The following CLIC5 variants were observed in gnomAD, a reference collection of about 807,000 sequenced individuals.
CLIC5 encodes the protein chloride intracellular channel protein 5.
CLIC5 carries 20 observed loss-of-function variants against 24.7 expected under a neutral mutation model. That is an observed-to-expected ratio of 0.81 (90% CI 0.57 to 1.18). The LOEUF (loss-of-function observed/expected upper bound fraction) is 1.18. Ranked by LOEUF, CLIC5 falls within the 50% of genes most tolerant of loss-of-function variation. The probability of loss-of-function intolerance (pLI) is 0.00; values close to 1 mark genes in which losing one functional copy is unlikely to be tolerated. For missense variants in CLIC5, 341 were observed against 326.1 expected, an observed-to-expected ratio of 1.05 and a Z score of -0.35; for synonymous variants, 159 against 135.6, an observed-to-expected ratio of 1.17 and a Z score of -1.20.
the CLIC5 span, among the ~76,000 whole-genome samples, chr6:46,123,956 T>A: frequency 6.6e-6 from 1 of 152,288 alleles, no homozygotes; most frequent in South Asian, 2.1e-4. Flanking sequence ...TGGAAGAACA[T>A]TCCATGCTCA....
intron 2 of CLIC5, among the ~76,000 whole-genome samples, chr6:45,950,599 C>A (rs1316166841): frequency 6.6e-6 from 1 of 152,088 alleles, no homozygotes; most frequent in East Asian, 1.9e-4. Context: ...AAAACTCATA[C>A]ATTTTAAATT....
intron 1 of CLIC5, among the ~76,000 whole-genome samples, chr6:45,995,929 A>G (rs991568109): frequency 6.6e-6 from 1 of 152,136 alleles, no homozygotes; most frequent in Non-Finnish European, 1.5e-5. Context: ...ACATGGACAC[A>G]GGAAGTGGAA....
chr6:45,950,696 C>T (rs919239014), intron 2 of CLIC5, among the ~76,000 whole-genome samples: 6 of 152,152 alleles, frequency 3.9e-5, no homozygotes, highest in African/African-American at 9.7e-5. Flanking sequence ...TGAAGGCTTT[C>T]GGCTTTCAGT....
intron 1 of CLIC5, among the ~76,000 whole-genome samples, chr6:45,994,577 C>A (rs897037160): frequency 6.6e-6 from 1 of 151,976 alleles, no homozygotes; most frequent in African/African-American, 2.4e-5. Flanking sequence ...ATGGAACAAA[C>A]CTGCACGTTC....
At chr6:45,897,241 C>G (rs1762406140), downstream of CLIC5, among the ~76,000 whole-genome samples, 1 of 152,212 alleles carries the variant, frequency 6.6e-6, no homozygotes. Context: ...TTCTTAACAA[C>G]AAGGGGATAT....
chr6:46,085,016 C>G (rs1404714729), upstream of CLIC5, among the ~76,000 whole-genome samples: 1 of 152,186 alleles, frequency 6.6e-6, no homozygotes, highest in Non-Finnish European at 1.5e-5. Context: ...CACTTCATTT[C>G]ATTCATTTCA....
chr6:46,023,959 T>G (rs149648012), intron 1 of CLIC5, among the ~76,000 whole-genome samples: 4 of 152,212 alleles, frequency 2.6e-5, no homozygotes, highest in African/African-American at 9.6e-5. Flanking sequence ...GATTTTCTTT[T>G]GGTGAACAGT....
At chr6:46,043,243 A>G (rs1436937034) in intron 1 of CLIC5, among the ~76,000 whole-genome samples, 1 of 152,172 alleles carries the variant, frequency 6.6e-6, no homozygotes, top group Non-Finnish European at 1.5e-5. Context: ...GGTACTTTGT[A>G]TACATTGGTT....
Position 45,902,805 on chromosome 6 carries a change from T to C in CLIC5, c.*283A>G. Reference sequence around the variant, plus strand: ...GCTAGTGGCAATCCCATATGTGGGCTCTCCAACACTGACTGACCCCAAACA... The same window carrying C: ...GCTAGTGGCAATCCCATATGTGGGCCCTCCAACACTGACTGACCCCAAACA... On this transcript the variant is annotated 3_prime_UTR_variant, in exon 6 of 6. Coordinates refer to ENST00000339561, the MANE Select transcript of CLIC5 (RefSeq NM_016929.5). The C allele has an allele frequency of 2.4e-6, 1 of 418,078 alleles. No homozygotes were observed. Among genetic ancestry groups the C allele is most frequent in the Admixed American group, 4.1e-5 (1 of 24,456 alleles). The allele number at this position is 418,078 out of a possible 1,614,324, so 25.9% of individuals were successfully genotyped here.
intron 1 of CLIC5, among the ~76,000 whole-genome samples, chr6:45,956,241 T>C (rs761807577): frequency 1.3e-5 from 2 of 152,306 alleles, no homozygotes; most frequent in East Asian, 1.9e-4. Flanking sequence ...TTGGTCTCTG[T>C]AGAATTCATT....
At chr6:45,886,699 T>C (rs1202042277) in intron 6 of CLIC5, among the ~76,000 whole-genome samples, 1 of 152,154 alleles carries the variant, frequency 6.6e-6, no homozygotes, top group Admixed American at 6.6e-5. Flanking sequence ...TGAAAATGGG[T>C]ATCTTCTGCC....
chr6:46,026,229 C>T (rs1581877278), intron 1 of CLIC5, among the ~76,000 whole-genome samples: 1 of 152,258 alleles, frequency 6.6e-6, no homozygotes, highest in East Asian at 1.9e-4. Flanking sequence ...TAAGAAGAAT[C>T]TATCCTAAAG....
chr6:45,969,477 C>T lies in CLIC5; in HGVS notation c.64-14233G>A, dbSNP rs890872340. On this transcript the variant is annotated intron_variant, in intron 1 of 5. Transcript: ENST00000339561. ...CACCCCCTCCTGCTCTATCCAACTC[C>T]TTCAGACTAGGGCAGTTGAGATCCA... 4.8e-5 allele frequency among the ~76,000 whole-genome samples: 7 copies of T among 144,358 alleles called. 1 individual carries two copies. 94.7% of individuals were successfully genotyped at this position (144,358 alleles called of 152,430 possible).
chr6:45,998,962 C>A (rs1177047560), intron 1 of CLIC5, among the ~76,000 whole-genome samples: 1 of 152,212 alleles, frequency 6.6e-6, no homozygotes, highest in Non-Finnish European at 1.5e-5. Flanking sequence ...ACTGTATAGC[C>A]TTTAAGGTCT....
At chr6:45,890,094 G>C (rs897689052) in intron 6 of CLIC5, among the ~76,000 whole-genome samples, 1 of 152,162 alleles carries the variant, frequency 6.6e-6, no homozygotes, top group African/African-American at 2.4e-5. Context: ...GTAGTTTCTT[G>C]TTACTGAGTA....
At chr6:45,922,265 C>T (rs887335475) in intron 4 of CLIC5, among the ~76,000 whole-genome samples, 1 of 152,174 alleles carries the variant, frequency 6.6e-6, no homozygotes, top group Admixed American at 6.5e-5. Flanking sequence ...TTAAGTCTTA[C>T]AATTATGGTG....
intron 3 of CLIC5, among the ~76,000 whole-genome samples, chr6:45,947,152 AT>A (rs1308635766): frequency 6.6e-6 from 1 of 152,226 alleles, no homozygotes; most frequent in African/African-American, 2.4e-5. Context: ...CTCTGGAAGA[AT>A]GTTCAAGGAC....
intron 5 of CLIC5, among the ~76,000 whole-genome samples, 165 bp downstream of exon 5, chr6:45,914,063 A>G (rs909666642): frequency 6.6e-6 from 1 of 152,186 alleles, no homozygotes; most frequent in Non-Finnish European, 1.5e-5. Flanking sequence ...CAAGGAGGCC[A>G]CACAGCCAAC....
At chr6:46,095,413 T>C in the CLIC5 span, among the ~76,000 whole-genome samples, 3 of 152,186 alleles carry the variant, frequency 2.0e-5, no homozygotes, top group African/African-American at 7.2e-5. Context: ...AGTTCCAATT[T>C]CAGGTCATTT....
Sources: allele counts gnomAD v4.1 joint callset (sites outside exome capture counted in the v4.1 genomes callset), GRCh38; gene constraint gnomAD v4.1.1; transcripts MANE v1.5; gene names NCBI Gene and HGNC (gene_info 2026-07-23, HGNC 2026-07-21).